The following PLCXD2 variants were observed in gnomAD, a reference collection of about 807,000 sequenced individuals.
PLCXD2 encodes the protein phosphatidylinositol specific phospholipase C X domain containing 2, also known as PI-PLC X domain-containing protein 2.
A neutral mutation model predicts 28.6 loss-of-function variants in PLCXD2; 21 were observed. The observed-to-expected ratio is 0.73, with a 90% CI of 0.52 to 1.06. The LOEUF is 1.06. PLCXD2 is among the 50% of genes least tolerant of loss of function. The pLI is 0.00. For missense variants in PLCXD2, 369 were observed against 376.7 expected (o/e 0.98, Z 0.17); for synonymous variants, 140 against 150.1 (o/e 0.93, Z 0.49).
At chr3:111,684,285 G>A (rs1392478711) in intron 1 of PLCXD2, among the ~76,000 whole-genome samples, 1 of 148,730 alleles carries the variant, frequency 6.7e-6, no homozygotes, top group Admixed American at 6.7e-5. Context: ...AGCTGAGATT[G>A]CGCCATTGCA....
chr3:111,713,714 G>T (rs1474166888), intron 2 of PLCXD2, among the ~76,000 whole-genome samples, 173 bp from the exon 3 acceptor site: 1 of 152,126 alleles, frequency 6.6e-6, no homozygotes, highest in Non-Finnish European at 1.5e-5. Flanking sequence ...TATGGCAAGT[G>T]CTCTGTAAAT....
intron 3 of PLCXD2, chr3:111,723,623 T>G (rs1481978680): frequency 6.6e-6 from 1 of 152,210 alleles, no homozygotes; most frequent in Non-Finnish European, 1.5e-5. Context: ...TTTCCCTTGA[T>G]AAACACCTTT....
At chr3:111,696,518 T>C (rs1023593188) in intron 1 of PLCXD2, among the ~76,000 whole-genome samples, 7 of 152,140 alleles carry the variant, frequency 4.6e-5, no homozygotes, top group African/African-American at 1.7e-4. Context: ...TCAGCTATAG[T>C]GGGTAACTGG....
At chr3:111,700,571 A>G (rs1336449133) in intron 1 of PLCXD2, among the ~76,000 whole-genome samples, 1 of 152,050 alleles carries the variant, frequency 6.6e-6, no homozygotes, top group Admixed American at 6.6e-5. Flanking sequence ...CTAAGATCAT[A>G]TTGCTTCTCC....
In PLCXD2 at chr3:111,708,358, T is replaced by A. The variant is rs746786741; in HGVS notation, c.596T>A (p.Leu199Gln). The change falls in exon 2 of 5, where the codon CTG (leucine) becomes CAG (glutamine). Residue 199 changes from leucine to glutamine, a missense_variant. By Grantham distance (113) the Leu-to-Gln change is moderately radical. Transcript: ENST00000477665. Reference sequence around the variant, plus strand: ...GCCTGCAGTGTGGAAAGTTTGACGCTGCGAACTCTGTGGGAGAAGAACTGC... The same window carrying A: ...GCCTGCAGTGTGGAAAGTTTGACGCAGCGAACTCTGTGGGAGAAGAACTGC... 1 of 1,613,986 alleles carries A rather than the reference T, an allele frequency of 6.2e-7. No individual in the cohort carries two copies. The highest frequency in any genetic ancestry group is 8.5e-7 in the Non-Finnish European group (1 of 1,180,002).
intron 1 of PLCXD2, among the ~76,000 whole-genome samples, chr3:111,700,980 G>C (rs1941033377): frequency 6.6e-6 from 1 of 152,182 alleles, no homozygotes; most frequent in Admixed American, 6.5e-5. Flanking sequence ...GACCAAAACA[G>C]TGGTGGTGGC....
intron 1 of PLCXD2, among the ~76,000 whole-genome samples, chr3:111,681,685 A>C (rs895331917): frequency 6.6e-5 from 10 of 152,196 alleles, no homozygotes; most frequent in African/African-American, 1.9e-4. Flanking sequence ...ATCGTTCACC[A>C]GTCATAAATA....
intron 3 of PLCXD2, chr3:111,720,899 A>G: frequency 2.4e-6 from 1 of 416,700 alleles, no homozygotes; most frequent in Non-Finnish European, 4.4e-6. Flanking sequence ...TTTTAATTTA[A>G]CCTTAATGTT....
chr3:111,685,510 A>T (rs1379916509), intron 1 of PLCXD2, among the ~76,000 whole-genome samples: 1 of 152,260 alleles, frequency 6.6e-6, no homozygotes, highest in Non-Finnish European at 1.5e-5. Flanking sequence ...AGGTTGCACC[A>T]ATAAGCTCAA....
In PLCXD2 at chr3:111,701,749, A is replaced by G. The variant is rs570345781; in HGVS notation, c.164-6177A>G. Among the ~76,000 whole-genome samples, 12 of 152,278 alleles carry G rather than the reference A, an allele frequency of 7.9e-5. No individual in the cohort carries two copies. The South Asian group carries it at 2.3e-3, about 29-fold the overall frequency. On this transcript the variant is annotated intron_variant, in intron 1 of 4. Coordinates refer to ENST00000477665, the MANE Select transcript of PLCXD2 (RefSeq NM_001185106.1). ...TGGCAGTTGAAGGTTAATGAAAGAG[A>G]CAGGTTTGATGTATGTTACAAAGGT...
At chr3:111,711,816 T>C (rs915841125) in intron 2 of PLCXD2, among the ~76,000 whole-genome samples, 1 of 152,142 alleles carries the variant, frequency 6.6e-6, no homozygotes, top group African/African-American at 2.4e-5. Flanking sequence ...TTCTGTACTA[T>C]ATGAAGAAGG....
At chr3:111,680,497 A>T (rs1940697273) in intron 1 of PLCXD2, among the ~76,000 whole-genome samples, 1 of 152,138 alleles carries the variant, frequency 6.6e-6, no homozygotes, top group South Asian at 2.1e-4. Flanking sequence ...CTGTCTCTTA[A>T]ATGAGAATCG....
At position 111,678,341 on chromosome 3, in the gene PLCXD2, G is replaced by C. The variant is rs1214215183; in HGVS notation, c.163+2933G>C. ...AACTGTATAGAATCATTTGATGTCT[G>C]AAGGATAAAGGATCCAGACATCATA... On this transcript the variant is annotated intron_variant, in intron 1 of 4. Coordinates refer to ENST00000477665, the MANE Select transcript of PLCXD2 (RefSeq NM_001185106.1). Among the ~76,000 whole-genome samples, 9 of 152,306 alleles carry C rather than the reference G, an allele frequency of 5.9e-5. No individual in the cohort carries two copies. The East Asian group carries it at 1.7e-3, about 29-fold the overall frequency.
At chr3:111,691,704 A>T (rs1227508763) in intron 1 of PLCXD2, among the ~76,000 whole-genome samples, 1 of 152,152 alleles carries the variant, frequency 6.6e-6, no homozygotes, top group Non-Finnish European at 1.5e-5. Flanking sequence ...TCATCCCCAG[A>T]GTATCTTTGT....
intron 1 of PLCXD2, among the ~76,000 whole-genome samples, chr3:111,707,589 G>A (rs1941138491): frequency 6.6e-6 from 1 of 152,148 alleles, no homozygotes; most frequent in Non-Finnish European, 1.5e-5. Context: ...TAGCTTTCCT[G>A]AAATGAAATT....
chr3:111,698,093 A>G (rs1940988749), intron 1 of PLCXD2, among the ~76,000 whole-genome samples: 1 of 152,214 alleles, frequency 6.6e-6, no homozygotes, highest in South Asian at 2.1e-4. Context: ...GGCTTTATTT[A>G]AAAACCAGAA....
rs531860965 is a variant in PLCXD2 at position 111,691,693 on chromosome 3, A to G, written c.164-16233A>G. Among the ~76,000 whole-genome samples the G allele has an allele frequency of 3.3e-5, 5 of 152,320 alleles. No individual in the cohort carries two copies. The South Asian group carries it at 1.0e-3, about 32-fold the overall frequency. ...TCAATAAGGACATAGAACCAATACT[A>G]TCATCCCCAGAGTATCTTTGTGTGC... On this transcript the variant is annotated intron_variant, in intron 1 of 4. Transcript: ENST00000477665.
At chr3:111,718,672 C>A (rs1271399080) in intron 3 of PLCXD2, among the ~76,000 whole-genome samples, 1 of 152,044 alleles carries the variant, frequency 6.6e-6, no homozygotes, top group Non-Finnish European at 1.5e-5. Context: ...AAGGCCTGAA[C>A]AGGGTTGTCT....
intron 1 of PLCXD2, among the ~76,000 whole-genome samples, chr3:111,684,042 C>A (rs1420403900): frequency 6.6e-6 from 1 of 152,014 alleles, no homozygotes; most frequent in African/African-American, 2.4e-5. Flanking sequence ...GTCTTAAAAG[C>A]CATGTTAGGC....
Sources: allele counts gnomAD v4.1 joint callset (sites outside exome capture counted in the v4.1 genomes callset), GRCh38; gene constraint gnomAD v4.1.1; transcripts MANE v1.5; gene names NCBI Gene and HGNC (gene_info 2026-07-23, HGNC 2026-07-21).